Variants in TEK observed in about 807,000 individuals in gnomAD.
TEK encodes TEK receptor tyrosine kinase.
A neutral mutation model predicts 131.8 loss-of-function variants in TEK; 43 were observed. The observed-to-expected ratio is 0.33, with a 90% CI of 0.26 to 0.42. TEK has a LOEUF of 0.42. Ranked by LOEUF, TEK falls within the 10% of genes least tolerant of loss-of-function variation. TEK has a pLI of 1.00. For missense variants in TEK, 1,162 were observed against 1,384.4 expected (o/e 0.84, Z 2.55); for synonymous variants, 580 against 491.6 (o/e 1.18, Z -2.38).
intron 2 of TEK, among the ~76,000 whole-genome samples, chr9:27,164,139 C>T (rs893460070): frequency 6.6e-6 from 1 of 152,124 alleles, no homozygotes; most frequent in Non-Finnish European, 1.5e-5. Context: ...CTGGCTCTCC[C>T]ATGTATATGC....
At chr9:27,171,272 C>G (rs182277311) in intron 4 of TEK, among the ~76,000 whole-genome samples, 1 of 152,146 alleles carries the variant, frequency 6.6e-6, no homozygotes, top group African/African-American at 2.4e-5. Flanking sequence ...ATATTGAAGT[C>G]TTCAGGTCTA....
intron 1 of TEK, among the ~76,000 whole-genome samples, chr9:27,110,169 A>C (rs1215205891): frequency 1.5e-5 from 1 of 66,042 alleles, no homozygotes; most frequent in African/African-American, 4.5e-5. Context: ...ATGAAATTGT[A>C]GGCTTTTTTT....
At chr9:27,224,123 C>A (rs1300723057) in intron 21 of TEK, among the ~76,000 whole-genome samples, 2 of 152,142 alleles carry the variant, frequency 1.3e-5, no homozygotes, top group Non-Finnish European at 2.9e-5. Context: ...GAATTAATAG[C>A]TTACCTACCA....
chr9:27,136,127 G>A (rs1021207659), intron 1 of TEK, among the ~76,000 whole-genome samples: 1 of 143,774 alleles, frequency 7.0e-6, no homozygotes, highest in Non-Finnish European at 1.5e-5. Context: ...TGTCACTCAG[G>A]TTGGAGTGCA....
chr9:27,220,182 CCT>C, intron 21 of TEK, 37 bp downstream of exon 21: 1 of 1,604,272 alleles, frequency 6.2e-7, no homozygotes, highest in Non-Finnish European at 8.5e-7. Flanking sequence ...TTTTGTCTTA[CCT>C]TCCCCCTGTG....
In TEK at chr9:27,217,605, T is replaced by C. The variant is rs1825865678; in HGVS notation, c.2992-83T>C. 7 of 1,227,930 alleles carry C rather than the reference T, an allele frequency of 5.7e-6. No individual in the cohort carries two copies. In the South Asian group the frequency reaches 8.6e-5, roughly 15 times the overall value. The allele number at this position is 1,227,930 out of a possible 1,614,324, so 76.1% of individuals were successfully genotyped here. ...ATTTCTGAGTCTACCCAGCAATCAT[T>C]TGTGGAGCCACAGCTCAGGCAGGCT... On this transcript the variant is annotated intron_variant, in intron 18 of 22. Transcript: ENST00000380036.
rs1408779439 is a variant in TEK at position 27,183,567 on chromosome 9, A to G, written c.1139A>G (p.Asn380Ser). 1 of 1,613,940 alleles carries G rather than the reference A, an allele frequency of 6.2e-7. No homozygotes were observed. The change falls in exon 8 of 23, where the codon AAT becomes AGT. Residue 380 changes from asparagine (N) to serine (S), a missense_variant. Physicochemically the swap from Asn to Ser is conservative, Grantham distance 46. Coordinates refer to ENST00000380036, the MANE Select transcript of TEK (RefSeq NM_000459.5). The part of the protein sequence containing the change: ...CKASGWPLPT[N>S]EEMTLVKPDG... Reference sequence around the variant, plus strand: ...GCTTCTGGCTGGCCGCTACCTACTAATGAAGAAATGACCCTGGTGAAGCCG... The same window carrying G: ...GCTTCTGGCTGGCCGCTACCTACTAGTGAAGAAATGACCCTGGTGAAGCCG...
intron 3 of TEK, among the ~76,000 whole-genome samples, chr9:27,169,044 C>T (rs546612301): frequency 4.6e-5 from 7 of 152,310 alleles, no homozygotes; most frequent in African/African-American, 1.2e-4. Flanking sequence ...GTGTCAGTTG[C>T]CTGATCCAGC....
At chr9:27,146,965 G>C (rs1414976901) in intron 1 of TEK, among the ~76,000 whole-genome samples, 2 of 152,108 alleles carry the variant, frequency 1.3e-5, no homozygotes, top group Non-Finnish European at 2.9e-5. Context: ...TCCTGACCTT[G>C]TGATCTGCCC....
chr9:27,175,796 G>C (rs926661452), intron 6 of TEK, among the ~76,000 whole-genome samples: 15 of 152,218 alleles, frequency 9.9e-5, no homozygotes, highest in African/African-American at 3.4e-4. Context: ...CTTTAGAGAA[G>C]TGTCTCTTCA....
At chr9:27,182,951 C>T (rs1217190066) in intron 7 of TEK, among the ~76,000 whole-genome samples, 1 of 152,180 alleles carries the variant, frequency 6.6e-6, no homozygotes, top group East Asian at 1.9e-4. Context: ...TAGTTATCTG[C>T]TATTTGCAGA....
Position 27,229,570 on chromosome 9 carries a change from A to G in TEK, c.*338A>G, listed in dbSNP as rs2131268438. 3.1e-6 allele frequency: 1 copy of G among 321,130 alleles called. No individual in the cohort carries two copies. Among genetic ancestry groups the G allele is most frequent in the Non-Finnish European group, 5.9e-6 (1 of 169,682 alleles). The allele number at this position is 321,130 out of a possible 1,614,324, so 19.9% of individuals were successfully genotyped here. ...ACTCATTGTTGTCCTAGATATTTTG[A>G]TATTTACCTTTATGTTGAATGCTAT... On this transcript the variant is annotated 3_prime_UTR_variant, in exon 23 of 23. Coordinates refer to ENST00000380036, the MANE Select transcript of TEK (RefSeq NM_000459.5).
intron 11 of TEK, among the ~76,000 whole-genome samples, chr9:27,193,755 C>G (rs1824912131): frequency 1.3e-5 from 2 of 152,280 alleles, no homozygotes; most frequent in East Asian, 1.9e-4. Flanking sequence ...AGTAGAGACT[C>G]AGAGTACTTA....
chr9:27,180,517 G>A (rs1824327632), intron 7 of TEK, 149 bp downstream of exon 7: 1 of 1,209,018 alleles, frequency 8.3e-7, no homozygotes, highest in Admixed American at 2.0e-5. Context: ...AAATCCTAAA[G>A]CACAGCATTT....
chr9:27,184,337 A>G (rs1203726576), intron 8 of TEK, among the ~76,000 whole-genome samples: 1 of 152,052 alleles, frequency 6.6e-6, no homozygotes, highest in Non-Finnish European at 1.5e-5. Flanking sequence ...GCCACCCCAA[A>G]TTTCTCTTGT....
intron 1 of TEK, among the ~76,000 whole-genome samples, chr9:27,126,149 G>A: frequency 6.6e-6 from 1 of 152,048 alleles, no homozygotes; most frequent in African/African-American, 2.4e-5. Context: ...TTTGTGTCTT[G>A]GTGTAAAGAC....
chr9:27,130,180 T>C (rs1822157677), intron 1 of TEK, among the ~76,000 whole-genome samples: 1 of 152,202 alleles, frequency 6.6e-6, no homozygotes, highest in Non-Finnish European at 1.5e-5. Flanking sequence ...GTAATAACAG[T>C]GTTACAGTTC....
intron 2 of TEK, among the ~76,000 whole-genome samples, chr9:27,161,539 C>T (rs552365212): frequency 5.3e-5 from 8 of 152,274 alleles, no homozygotes; most frequent in African/African-American, 1.4e-4. Context: ...CATTTGATGC[C>T]GAGTGATCTG....
rs368366511 is a variant in TEK, at chr9:27,191,489, A to G, written c.1489+799A>G. Among the ~76,000 whole-genome samples, 271 of 152,266 alleles carry G rather than the reference A, an allele frequency of 1.8e-3. 4 individuals are homozygous for G. In the South Asian group the frequency reaches 0.053, roughly 30 times the overall value. ...AAAGACCTGCCACTAACATGCTTGT[A>G]GGCAGCATGTCCTCCTCCGCCCATA... On this transcript the variant is annotated intron_variant, in intron 10 of 22. Coordinates refer to ENST00000380036, the MANE Select transcript of TEK (RefSeq NM_000459.5).
Sources: gnomAD v4.1 joint callset for allele counts (sites outside exome capture counted in the v4.1 genomes callset) on GRCh38, gnomAD v4.1.1 for gene constraint, MANE v1.5 for transcripts, NCBI Gene and HGNC (gene_info 2026-07-23, HGNC 2026-07-21) for gene names.